ADAMTS12: variants seen among roughly 807,000 people sequenced by gnomAD.
The protein encoded by ADAMTS12 is A disintegrin and metalloproteinase with thrombospondin motifs 12.
In ADAMTS12, 118 loss-of-function variants were observed where a neutral mutation model predicts 167.8. The ratio of observed to expected loss-of-function variants is 0.70; its 90% CI spans 0.61 to 0.82. The LOEUF is 0.82. Among genes scored for constraint, ADAMTS12 ranks in the 40% least tolerant of loss-of-function variants. ADAMTS12 has a pLI of 0.00. For synonymous variants in ADAMTS12, 704 were observed against 716.9 expected, an observed-to-expected ratio of 0.98 and a Z score of 0.29; for missense variants, 1,916 against 1,998.8, an observed-to-expected ratio of 0.96 and a Z score of 0.79.
chr5:33,858,434 A>T (rs1415579469), intron 2 of ADAMTS12, among the ~76,000 whole-genome samples: 2 of 152,212 alleles, frequency 1.3e-5, no homozygotes, highest in Non-Finnish European at 2.9e-5. Flanking sequence ...AGGTGGGAGG[A>T]TTGCTTGAGC....
intron 7 of ADAMTS12, among the ~76,000 whole-genome samples, chr5:33,656,151 T>C (rs1741053000): frequency 6.6e-6 from 1 of 152,186 alleles, no homozygotes; most frequent in African/African-American, 2.4e-5. Context: ...CCACAATGCA[T>C]CAGATAGTTC....
At chr5:33,792,284 C>A (rs895333083) in intron 2 of ADAMTS12, among the ~76,000 whole-genome samples, 1 of 152,206 alleles carries the variant, frequency 6.6e-6, no homozygotes, top group African/African-American at 2.4e-5. Flanking sequence ...GCATAAGCCA[C>A]CATGCCCAGC....
At chr5:33,763,928 C>T (rs1054159726) in intron 2 of ADAMTS12, among the ~76,000 whole-genome samples, 5 of 152,112 alleles carry the variant, frequency 3.3e-5, no homozygotes, top group Non-Finnish European at 7.3e-5. Flanking sequence ...GGCTGAGTCT[C>T]AGACTTTTCA....
intron 3 of ADAMTS12, among the ~76,000 whole-genome samples, chr5:33,728,995 C>T (rs1744082856): frequency 6.6e-6 from 1 of 152,030 alleles, no homozygotes; most frequent in South Asian, 2.1e-4. Flanking sequence ...TGTATATGTA[C>T]ATGATATGTA....
intron 2 of ADAMTS12, among the ~76,000 whole-genome samples, chr5:33,785,397 A>T (rs2112448450): frequency 1.3e-5 from 2 of 152,250 alleles, no homozygotes; most frequent in Middle Eastern, 6.8e-3. Flanking sequence ...AGACAGGGAA[A>T]AATATTTGCA....
chr5:33,558,941 G>C (rs1441814303), intron 20 of ADAMTS12, among the ~76,000 whole-genome samples: 1 of 152,128 alleles, frequency 6.6e-6, no homozygotes, highest in Non-Finnish European at 1.5e-5. Context: ...AGAGAAAGAA[G>C]GTGGTAATTT....
At chr5:33,848,446 G>A (rs936479338) in intron 2 of ADAMTS12, among the ~76,000 whole-genome samples, 1 of 152,142 alleles carries the variant, frequency 6.6e-6, no homozygotes, top group African/African-American at 2.4e-5. Context: ...AAATGTTGAA[G>A]ACAAGAACAA....
At chr5:33,780,196 T>A (rs1353161626) in intron 2 of ADAMTS12, among the ~76,000 whole-genome samples, 1 of 152,012 alleles carries the variant, frequency 6.6e-6, no homozygotes, top group African/African-American at 2.4e-5. Context: ...TGAAGAGGAG[T>A]AAAAATTTAC....
intron 2 of ADAMTS12, among the ~76,000 whole-genome samples, chr5:33,849,591 CATATGTATTGCATAGCAATAT>C (rs201918952): frequency 0.13 from 8,947 of 68,800 alleles, 1,206 homozygotes; most frequent in East Asian, 0.43. Flanking sequence ...TAGCAATACA[CATATGTATTGCATAGCAATAT>C]ATATGTATTG....
intron 2 of ADAMTS12, among the ~76,000 whole-genome samples, chr5:33,849,289 C>A (rs543434408): frequency 3.6e-4 from 38 of 106,814 alleles, no homozygotes; most frequent in Non-Finnish European, 5.8e-4. Flanking sequence ...ATATGTATTG[C>A]ATAGCAATAT....
At chr5:33,846,016 C>T (rs1172259292) in intron 2 of ADAMTS12, among the ~76,000 whole-genome samples, 2 of 152,230 alleles carry the variant, frequency 1.3e-5, no homozygotes, top group Admixed American at 1.3e-4. Flanking sequence ...ATACCTCCCA[C>T]CAGGGCCCAC....
At chr5:33,679,111 T>C (rs1312354138) in intron 5 of ADAMTS12, among the ~76,000 whole-genome samples, 1 of 152,214 alleles carries the variant, frequency 6.6e-6, no homozygotes, top group Non-Finnish European at 1.5e-5. Flanking sequence ...CTGCTTTCTC[T>C]CCTGTCTCCA....
intron 9 of ADAMTS12, among the ~76,000 whole-genome samples, chr5:33,643,915 C>A (rs1740566927): frequency 6.6e-6 from 1 of 152,198 alleles, no homozygotes; most frequent in South Asian, 2.1e-4. Flanking sequence ...ATCTAGAAAG[C>A]CTCAGCTTGT....
At chr5:33,714,250 A>T (rs988248797) in intron 3 of ADAMTS12, among the ~76,000 whole-genome samples, 1 of 152,232 alleles carries the variant, frequency 6.6e-6, no homozygotes, top group Non-Finnish European at 1.5e-5. Flanking sequence ...TAGGAAGGCT[A>T]TTGTCAAAAA....
chr5:33,865,870 A>G (rs1326304659), intron 2 of ADAMTS12, among the ~76,000 whole-genome samples: 4 of 152,170 alleles, frequency 2.6e-5, no homozygotes, highest in Non-Finnish European at 5.9e-5. Flanking sequence ...CAATCGCTAC[A>G]AAAGCAAAAT....
At chr5:33,786,592 C>T (rs909078884) in intron 2 of ADAMTS12, among the ~76,000 whole-genome samples, 1 of 152,010 alleles carries the variant, frequency 6.6e-6, no homozygotes, top group African/African-American at 2.4e-5. Flanking sequence ...TATGCATTGC[C>T]TCCCAAGCAT....
chr5:33,632,586 T>G (rs1554029965), intron 12 of ADAMTS12, among the ~76,000 whole-genome samples: 1 of 152,148 alleles, frequency 6.6e-6, no homozygotes, highest in Non-Finnish European at 1.5e-5. Flanking sequence ...AAAGCGTGAC[T>G]TGGGATTATT....
At chr5:33,834,505 ATG>A (rs1455442508) in intron 2 of ADAMTS12, among the ~76,000 whole-genome samples, 7 of 152,154 alleles carry the variant, frequency 4.6e-5, no homozygotes, top group African/African-American at 1.7e-4. Context: ...ACTGCCAGGC[ATG>A]TGTTAGGGAA....
At chr5:33,577,264 C>A in intron 18 of ADAMTS12, 104 bp from the exon 19 acceptor site, 1 of 1,516,636 alleles carries the variant, frequency 6.6e-7, no homozygotes, top group South Asian at 1.2e-5. Context: ...CTAAACTATG[C>A]AGCTAAAATT....
Sources: gnomAD v4.1 joint callset for allele counts (sites outside exome capture counted in the v4.1 genomes callset) on GRCh38, gnomAD v4.1.1 for gene constraint, MANE v1.5 for transcripts, NCBI Gene and HGNC (gene_info 2026-07-23, HGNC 2026-07-21) for gene names.